Variants in ABCA8 observed in about 807,000 individuals in gnomAD.
ABCA8 encodes ATP binding cassette subfamily A member 8, also known as ABC-type organic anion transporter ABCA8.
In ABCA8, 177 loss-of-function variants were observed where a neutral mutation model predicts 192.3. That is an observed-to-expected ratio of 0.92 (90% CI 0.81 to 1.04). ABCA8 has a LOEUF of 1.04. ABCA8 is among the 50% of genes least tolerant of loss of function. ABCA8 has a pLI of 0.00. For synonymous variants in ABCA8, 642 were observed against 690.2 expected, an observed-to-expected ratio of 0.93 and a Z score of 1.09; for missense variants, 1,915 against 1,904.8, an observed-to-expected ratio of 1.01 and a Z score of -0.10.
At chr17:68,900,554 AAAAAAG>A (rs1307846200) in intron 21 of ABCA8, among the ~76,000 whole-genome samples, 4 of 151,448 alleles carry the variant, frequency 2.6e-5, no homozygotes, top group African/African-American at 9.7e-5. Context: ...AAAAAAAAAA[AAAAAAG>A]AAGTGCAGGG....
At chr17:68,877,041 T>A (rs555859740) in intron 33 of ABCA8, among the ~76,000 whole-genome samples, 117 of 152,278 alleles carry the variant, frequency 7.7e-4, no homozygotes, top group Non-Finnish European at 1.3e-3. Flanking sequence ...TCTGACTCTA[T>A]CCCCGAGGCT....
At chr17:68,917,593 A>G in intron 16 of ABCA8, 142 bp from the exon 17 acceptor site, 1 of 566,526 alleles carries the variant, frequency 1.8e-6, no homozygotes, top group Admixed American at 3.2e-5. Flanking sequence ...ATAAGGACTC[A>G]ATGAAATAGA....
At position 68,894,785 on chromosome 17, in the gene ABCA8, C is replaced by T. The variant is rs2066703568; in HGVS notation, c.2898+95G>A. On this transcript the variant is annotated intron_variant, in intron 22 of 39. Coordinates refer to ENST00000586539, the MANE Select transcript of ABCA8 (RefSeq NM_001288985.2). ...AAGTAATAAATGAAAACAGTATTTG[C>T]TTTTCATTTTTATTTCTTAAGTTGG... is the stretch of plus-strand genomic sequence containing the variant. 15 of 1,344,746 alleles carry T rather than the reference C, an allele frequency of 1.1e-5. No individual in the cohort carries two copies. The South Asian group carries it at 1.8e-4, about 16-fold the overall frequency. The allele number at this position is 1,344,746 out of a possible 1,614,324, so 83.3% of individuals were successfully genotyped here.
In ABCA8 at chr17:68,867,842, C is replaced by T; in HGVS notation, c.*243G>A. 3 of 387,214 alleles carry T rather than the reference C, an allele frequency of 7.7e-6. No homozygotes were observed. The highest frequency in any genetic ancestry group is 7.0e-4 in the Middle Eastern group (1 of 1,438). The allele number at this position is 387,214 out of a possible 1,614,324, so 24.0% of individuals were successfully genotyped here. A position where few individuals can be genotyped will look rare whatever the true frequency, so the allele number is the denominator to read the frequency against. On this transcript the variant is annotated 3_prime_UTR_variant, in exon 40 of 40. Coordinates refer to ENST00000586539, the MANE Select transcript of ABCA8 (RefSeq NM_001288985.2). ...GTAAATTTATTTATTCAGTATTATACAGAACAATGGAACCAGTATGGCCTG... is the reference window on the plus strand; with the variant it reads ...GTAAATTTATTTATTCAGTATTATATAGAACAATGGAACCAGTATGGCCTG...
In ABCA8 at chr17:68,877,781, T is replaced by G. The variant is rs2066245116; in HGVS notation, c.4039-102A>C. ...ACGAACCTAGAAAAACTAGAGAAAC[T>G]CTAAACCTCATTGGGTTTAATAATC... On this transcript the variant is annotated intron_variant, in intron 32 of 39. Transcript: ENST00000586539. The G allele has an allele frequency of 2.4e-6, 3 of 1,271,622 alleles. No homozygotes were observed. The African/African-American group carries it at 4.5e-5, about 19-fold the overall frequency. The allele number at this position is 1,271,622 out of a possible 1,614,324, so 78.8% of individuals were successfully genotyped here. A position where few individuals can be genotyped will look rare whatever the true frequency, so the allele number is the denominator to read the frequency against.
chr17:68,883,694 G>T, intron 29 of ABCA8, 97 bp downstream of exon 29: 1 of 754,052 alleles, frequency 1.3e-6, no homozygotes, highest in Non-Finnish European at 2.2e-6. Context: ...GCCTATCCTA[G>T]CACAACGGCA....
rs780691297 is a variant in ABCA8 at position 68,932,423 on chromosome 17, A to G, written c.662T>C (p.Ile221Thr). The part of the protein sequence containing the change: ...MHSFIGQSGV[I>T]TDLYLFSCII... ...GCAGGAAAAAAGGTACAAATCAGTT[A>G]TAACTCCTGATTGACCAATGAAGGA... The change falls in exon 7 of 40, where the codon ATA (isoleucine) becomes ACA (threonine). Residue 221 changes from isoleucine (I) to threonine (T), a missense_variant. Coordinates refer to ENST00000586539, the MANE Select transcript of ABCA8 (RefSeq NM_001288985.2). The G allele has an allele frequency of 6.2e-7, 1 of 1,613,648 alleles. No homozygotes were observed. The highest frequency in any genetic ancestry group is 1.3e-5 in the African/African-American group (1 of 74,920).
In ABCA8 at chr17:68,917,671, T is replaced by C. The variant is rs141898378; in HGVS notation, c.2048-220A>G. On this transcript the variant is annotated intron_variant, in intron 16 of 39. Coordinates refer to ENST00000586539, the MANE Select transcript of ABCA8 (RefSeq NM_001288985.2). The stretch of plus-strand genomic sequence containing the variant: ...TCAGGGAGGTTAAATTTTGTGGATA[T>C]ATGTTCTAATATAGAAAATTATCCC... Among the ~76,000 whole-genome samples the C allele has an allele frequency of 7.9e-5, 12 of 152,356 alleles. No homozygotes were observed. In the East Asian group the frequency reaches 2.3e-3, roughly 29 times the overall value.
intron 2 of ABCA8, among the ~76,000 whole-genome samples, chr17:68,943,454 T>C (rs117442012): frequency 3.4e-4 from 52 of 152,356 alleles, no homozygotes; most frequent in Non-Finnish European, 5.6e-4. Context: ...TTCTCATCTA[T>C]AACCATATTG....
In ABCA8 at chr17:68,919,434, T is replaced by C. The variant is rs2067477756; in HGVS notation, c.1655A>G (p.Asp552Gly). ...IYNNKLSEMA[D>G]LENLSKLTGV... ...GGTCAGCTTGCTGAGATTTTCTAGGTCAGCCATTTCTGAAAGCTTATTGTT... is the reference window on the plus strand; with the variant it reads ...GGTCAGCTTGCTGAGATTTTCTAGGCCAGCCATTTCTGAAAGCTTATTGTT... The change falls in exon 14 of 40, where the codon GAC becomes GGC. Residue 552 changes from aspartate to glycine, a missense_variant. Coordinates refer to ENST00000586539, the MANE Select transcript of ABCA8 (RefSeq NM_001288985.2). The C allele has an allele frequency of 6.2e-7, 1 of 1,613,964 alleles. No homozygotes were observed. The highest frequency in any genetic ancestry group is 1.7e-5 in the Admixed American group (1 of 59,996).
intron 27 of ABCA8, chr17:68,884,936 C>T (rs943449541): frequency 1.3e-6 from 1 of 787,764 alleles, no homozygotes; most frequent in African/African-American, 1.9e-5. Context: ...GAAATAAGGC[C>T]CCACATGAGT....
intron 23 of ABCA8, among the ~76,000 whole-genome samples, chr17:68,892,990 C>T (rs2066652173): frequency 6.6e-6 from 1 of 152,006 alleles, no homozygotes; most frequent in Non-Finnish European, 1.5e-5. Context: ...GGCTGGGTGG[C>T]AGAGCGAGAC....
intron 6 of ABCA8, 130 bp from the exon 7 acceptor site, chr17:68,932,644 C>T: frequency 1.5e-6 from 1 of 679,690 alleles, no homozygotes; most frequent in Non-Finnish European, 2.5e-6. Flanking sequence ...ATTTCCACTT[C>T]TATGTCCTGT....
At chr17:68,884,294 A>G in intron 28 of ABCA8, 37 bp downstream of exon 28, 1 of 1,511,650 alleles carries the variant, frequency 6.6e-7, no homozygotes, top group Non-Finnish European at 8.8e-7. Flanking sequence ...TAAATTTAGT[A>G]AAAAGTGATA....
Position 68,867,833 on chromosome 17 carries a change from A to G in ABCA8, c.*252T>C, listed in dbSNP as rs557066816. On this transcript the variant is annotated 3_prime_UTR_variant, in exon 40 of 40. Coordinates refer to ENST00000586539, the MANE Select transcript of ABCA8 (RefSeq NM_001288985.2). ...CATGTAAAAGTAAATTTATTTATTC[A>G]GTATTATACAGAACAATGGAACCAG... 4.3e-4 allele frequency: 129 copies of G among 301,414 alleles called. 1 individual carries two copies. In the East Asian group the frequency reaches 6.1e-3, roughly 14 times the overall value. The allele number at this position is 301,414 out of a possible 1,614,324, so 18.7% of individuals were successfully genotyped here.
chr17:68,921,426 G>T lies in ABCA8; in HGVS notation c.1568C>A (p.Ser523Ter), dbSNP rs866764495. 10 of 1,611,050 alleles carry T rather than the reference G, an allele frequency of 6.2e-6. No individual in the cohort carries two copies. The African/African-American group carries it at 1.3e-4, about 22-fold the overall frequency. Residue 523 changes from serine (S) to a stop codon, truncating the protein, a stop_gained, in exon 13 of 40, where the codon TCA becomes TAA. Transcript: ENST00000586539. LOFTEE classifies it high-confidence loss of function. ...CCCACTAAGAATGTTTAGCAGTGTT[G>T]ACTTTCCAGCTCCACTGTGACCAAG... ...AILGHSGAGK[S>*]TLLNILSGLS...
At chr17:68,942,316 A>C (rs2068255185) in intron 2 of ABCA8, among the ~76,000 whole-genome samples, 1 of 152,176 alleles carries the variant, frequency 6.6e-6, no homozygotes, top group Non-Finnish European at 1.5e-5. Flanking sequence ...GCTCTATAAA[A>C]ATGGATCTGA....
At position 68,932,532 on chromosome 17, in the gene ABCA8, T is replaced by A. The variant is rs751308287; in HGVS notation, c.571-18A>T. 38 of 1,562,400 alleles carry A rather than the reference T, an allele frequency of 2.4e-5. No homozygotes were observed. The highest frequency in any genetic ancestry group is 2.9e-5 in the Non-Finnish European group (33 of 1,135,290). ...GTTGTGATCTGAAGAAAGGCATTAA[T>A]AAGCAAAATTTGTACGTTAATGAAC... On this transcript the variant is annotated intron_variant, in intron 6 of 39. Coordinates refer to ENST00000586539, the MANE Select transcript of ABCA8 (RefSeq NM_001288985.2).
At chr17:68,928,290 AT>A (rs2067758168) in intron 9 of ABCA8, among the ~76,000 whole-genome samples, 2 of 152,266 alleles carry the variant, frequency 1.3e-5, no homozygotes, top group Non-Finnish European at 2.9e-5. Flanking sequence ...TATGTTCCAA[AT>A]GAAATTGAAA....
Sources: gnomAD v4.1 joint callset for allele counts (sites outside exome capture counted in the v4.1 genomes callset) on GRCh38, gnomAD v4.1.1 for gene constraint, MANE v1.5 for transcripts, NCBI Gene and HGNC (gene_info 2026-07-23, HGNC 2026-07-21) for gene names.